Variants in EYS observed in about 807,000 individuals in gnomAD.
The protein encoded by EYS is EGF-like photoreceptor maintenance factor, also known as protein eyes shut homolog.
In EYS, 250 loss-of-function variants were observed where a neutral mutation model predicts 282.1. The observed-to-expected ratio is 0.89, with a 90% confidence interval of 0.80 to 0.98. The LOEUF is 0.98. EYS is among the 50% of genes least tolerant of loss of function. The pLI, the probability that EYS is intolerant of heterozygous loss-of-function variation, is 0.00. For missense variants in EYS, 4,016 were observed against 3,709.0 expected, an observed-to-expected ratio of 1.08 and a Z score of -2.15; for synonymous variants, 1,355 against 1,282.9, an observed-to-expected ratio of 1.06 and a Z score of -1.20.
At chr6:65,698,601 A>G (rs2149850194) in intron 1 of EYS, among the ~76,000 whole-genome samples, 1 of 152,240 alleles carries the variant, frequency 6.6e-6, no homozygotes, top group Non-Finnish European at 1.5e-5. Context: ...GTTATATCAC[A>G]TCTTCCTCTG....
intron 2 of EYS, among the ~76,000 whole-genome samples, chr6:65,548,651 C>T (rs189884312): frequency 1.3e-5 from 2 of 152,216 alleles, no homozygotes; most frequent in East Asian, 3.9e-4. Flanking sequence ...TGATTGTATC[C>T]TTTCCAATTT....
chr6:65,556,387 T>TTGTGTGTGTGTGTGTG (rs10602177), intron 2 of EYS, among the ~76,000 whole-genome samples: 6,476 of 148,770 alleles, frequency 0.044, 209 homozygotes, highest in Admixed American at 0.091. Flanking sequence ...ACTGCTGGGT[T>TTGTGTGTGTGTGTGTG]TGTGTGTGTG....
rs75465309 is a variant in EYS, at chr6:64,925,108, T to C, written c.2382-12365A>G. Among the ~76,000 whole-genome samples, 4 of 152,174 alleles carry C rather than the reference T, an allele frequency of 2.6e-5. No individual in the cohort carries two copies. In the South Asian group the frequency reaches 8.3e-4, roughly 32 times the overall value. On this transcript the variant is annotated intron_variant, in intron 15 of 42. Transcript: ENST00000503581. ...GCTTAATTGGATTTATAGTTCTACA[T>C]GGCTGGGCAGGCCTAAGAAAGAATC...
intron 40 of EYS, among the ~76,000 whole-genome samples, chr6:63,772,503 T>C (rs1173281735): frequency 6.6e-6 from 1 of 152,132 alleles, no homozygotes; most frequent in Non-Finnish European, 1.5e-5. Flanking sequence ...AGTTTTAAAA[T>C]AACAATATCA....
chr6:65,500,296 C>A (rs1370866801), intron 2 of EYS, among the ~76,000 whole-genome samples: 12 of 151,860 alleles, frequency 7.9e-5, no homozygotes, highest in Admixed American at 7.9e-4. Flanking sequence ...TCCTGGAGAA[C>A]AATAATATTC....
rs548662467 is a variant in EYS, at chr6:64,260,166, C to T, written c.6192-29342G>A. 8.6e-5 allele frequency among the ~76,000 whole-genome samples: 13 copies of T among 151,782 alleles called. No individual in the cohort carries two copies. The East Asian group carries it at 2.1e-3, about 25-fold the overall frequency. On this transcript the variant is annotated intron_variant, in intron 30 of 42. Coordinates refer to ENST00000503581, the MANE Select transcript of EYS (RefSeq NM_001142800.2). Reference sequence around the variant, plus strand: ...GGTATTTTTTCCTTCATTTCTTTTACCCTGCTATTTGCTGCAATGCAGCTA... The same window carrying T: ...GGTATTTTTTCCTTCATTTCTTTTATCCTGCTATTTGCTGCAATGCAGCTA...
intron 33 of EYS, among the ~76,000 whole-genome samples, chr6:64,035,960 T>C (rs1386852374): frequency 6.6e-6 from 1 of 152,240 alleles, no homozygotes; most frequent in East Asian, 1.9e-4. Context: ...TCTGATCTTC[T>C]TGAAGGCATT....
chr6:63,865,187 G>C (rs920352516), intron 35 of EYS, among the ~76,000 whole-genome samples: 1 of 152,232 alleles, frequency 6.6e-6, no homozygotes, highest in African/African-American at 2.4e-5. Context: ...GAACTCTCCA[G>C]AGAGTACTCT....
chr6:63,834,280 A>T (rs983958083), intron 36 of EYS, among the ~76,000 whole-genome samples: 13 of 152,214 alleles, frequency 8.5e-5, no homozygotes, highest in Admixed American at 2.6e-4. Context: ...GGCACCCTAC[A>T]GAATGGGAGA....
intron 22 of EYS, among the ~76,000 whole-genome samples, chr6:64,703,513 A>G (rs973534156): frequency 1.4e-5 from 2 of 144,228 alleles, no homozygotes; most frequent in Non-Finnish European, 3.0e-5. Flanking sequence ...GCTCACTGAA[A>G]TCTCCACCTC....
At chr6:65,593,210 T>G (rs188550848) in intron 2 of EYS, among the ~76,000 whole-genome samples, 1 of 152,070 alleles carries the variant, frequency 6.6e-6, no homozygotes, top group Non-Finnish European at 1.5e-5. Flanking sequence ...CAAAACTGTC[T>G]TTTAAAACAA....
intron 15 of EYS, among the ~76,000 whole-genome samples, chr6:64,940,762 A>T (rs1769063437): frequency 6.6e-6 from 1 of 152,020 alleles, no homozygotes; most frequent in South Asian, 2.1e-4. Context: ...ATTCAATTTA[A>T]TAAAGCAAAC....
rs118003260 is a variant in EYS, at chr6:65,360,326, T to C, written c.1300-6709A>G. On this transcript the variant is annotated intron_variant, in intron 8 of 42. Transcript: ENST00000503581. ...ATTTCCACTCATAGTCAAAACCTTC[T>C]ATGGAAAATTAATAAAGTAAAATCA... Among the ~76,000 whole-genome samples the C allele has an allele frequency of 5.6e-4, 85 of 152,114 alleles. 3 individuals carry two copies. In the East Asian group the frequency reaches 0.014, roughly 25 times the overall value.
chr6:64,452,590 A>G (rs1021882885), intron 26 of EYS, among the ~76,000 whole-genome samples: 8 of 152,046 alleles, frequency 5.3e-5, no homozygotes, highest in Non-Finnish European at 7.4e-5. Context: ...GAGGCATCAC[A>G]CTACCTGACT....
At chr6:63,796,557 A>G (rs1014949953) in intron 37 of EYS, among the ~76,000 whole-genome samples, 2 of 152,200 alleles carry the variant, frequency 1.3e-5, no homozygotes, top group African/African-American at 4.8e-5. Flanking sequence ...AAGGAATAAT[A>G]GTTGTAATTT....
intron 22 of EYS, among the ~76,000 whole-genome samples, chr6:64,788,282 TG>T (rs1774084001): frequency 6.6e-6 from 1 of 152,012 alleles, no homozygotes; most frequent in Non-Finnish European, 1.5e-5. Flanking sequence ...TTCCCTGAGG[TG>T]GGGGAGCTGG....
At chr6:63,881,311 A>G (rs1009872340) in intron 35 of EYS, among the ~76,000 whole-genome samples, 2 of 152,208 alleles carry the variant, frequency 1.3e-5, no homozygotes, top group African/African-American at 2.4e-5. Flanking sequence ...TAGGCTCACT[A>G]TAGCACAGAA....
At chr6:65,147,669 A>T (rs1162877334) in intron 12 of EYS, among the ~76,000 whole-genome samples, 1 of 152,092 alleles carries the variant, frequency 6.6e-6, no homozygotes, top group Non-Finnish European at 1.5e-5. Context: ...TCTAAATAGA[A>T]CATAGATAGG....
At chr6:64,855,696 A>G (rs186436587) in intron 19 of EYS, among the ~76,000 whole-genome samples, 2 of 152,258 alleles carry the variant, frequency 1.3e-5, no homozygotes, top group Admixed American at 6.5e-5. Flanking sequence ...GGTTTTCACA[A>G]TTGCATGATG....
Sources: gnomAD v4.1 joint callset for allele counts (sites outside exome capture counted in the v4.1 genomes callset) on GRCh38, gnomAD v4.1.1 for gene constraint, MANE v1.5 for transcripts, NCBI Gene and HGNC (gene_info 2026-07-23, HGNC 2026-07-21) for gene names.